The following CDH2 variants were observed in gnomAD, a reference collection of about 807,000 sequenced individuals.
The protein encoded by CDH2 is cadherin-2.
Under a neutral mutation model 92.0 loss-of-function variants are expected in CDH2, and 17 were observed. The observed-to-expected ratio is 0.18, with a 90% CI of 0.13 to 0.28. The LOEUF (loss-of-function observed/expected upper bound fraction) is 0.28. Among genes scored for constraint, CDH2 ranks in the 10% least tolerant of loss-of-function variants. CDH2 has a pLI of 1.00. For missense variants in CDH2, 862 were observed against 1,133.1 expected (o/e 0.76, Z 3.44); for synonymous variants, 419 against 415.9 (o/e 1.01, Z -0.09).
Position 27,990,077 on chromosome 18 carries a change from C to T in CDH2, c.1598+20G>A. ...AGAACATAAGTAAGCTACAAAAACA[C>T]TACAAACAGCATTTCATACCTAATA... On this transcript the variant is annotated intron_variant, in intron 10 of 15. Transcript: ENST00000269141. The T allele has an allele frequency of 6.2e-7, 1 of 1,609,448 alleles. No individual in the cohort carries two copies. Among genetic ancestry groups the T allele is most frequent in the South Asian group, 1.1e-5 (1 of 90,934 alleles).
At chr18:28,159,563 A>C (rs2016273629) in intron 1 of CDH2, among the ~76,000 whole-genome samples, 1 of 152,190 alleles carries the variant, frequency 6.6e-6, no homozygotes, top group African/African-American at 2.4e-5. Context: ...AGAAATAAAA[A>C]AGGAGTCCAA....
At chr18:28,140,339 C>A (rs528078971) in intron 2 of CDH2, among the ~76,000 whole-genome samples, 1 of 151,966 alleles carries the variant, frequency 6.6e-6, no homozygotes, top group African/African-American at 2.4e-5. Context: ...AACATTTGTG[C>A]ATCAAAGGAA....
intron 2 of CDH2, among the ~76,000 whole-genome samples, chr18:28,024,458 A>T (rs1472990936): frequency 1.3e-5 from 2 of 149,838 alleles, no homozygotes; most frequent in African/African-American, 2.4e-5. Context: ...AATAATATAA[A>T]GTAAGTATAT....
chr18:28,095,635 C>T (rs1051022239), intron 2 of CDH2, among the ~76,000 whole-genome samples: 1 of 151,624 alleles, frequency 6.6e-6, no homozygotes, highest in African/African-American at 2.4e-5. Flanking sequence ...CTTGGCAACA[C>T]GGTAAAACCC....
chr18:27,945,769 G>A (rs1009014532), intron 6 of CDH2, among the ~76,000 whole-genome samples: 1 of 152,092 alleles, frequency 6.6e-6, no homozygotes, highest in Non-Finnish European at 1.5e-5. Context: ...TGGCTTAAAA[G>A]GAGGTAAACT....
At chr18:27,959,221 A>T (rs2143873896) in intron 15 of CDH2, among the ~76,000 whole-genome samples, 1 of 152,350 alleles carries the variant, frequency 6.6e-6, no homozygotes, top group Non-Finnish European at 1.5e-5. Context: ...TGAAACTCTC[A>T]GTTGAAATTC....
intron 7 of CDH2, among the ~76,000 whole-genome samples, chr18:27,999,473 CAG>C (rs1290916063): frequency 6.6e-6 from 1 of 151,984 alleles, no homozygotes; most frequent in Non-Finnish European, 1.5e-5. Flanking sequence ...AAGGCACAAA[CAG>C]AAAGATTATT....
At chr18:28,068,379 AG>A in intron 2 of CDH2, among the ~76,000 whole-genome samples, 1 of 152,314 alleles carries the variant, frequency 6.6e-6, no homozygotes, top group East Asian at 1.9e-4. Flanking sequence ...TCTAAATCTA[AG>A]AACTTGTCAG....
intron 2 of CDH2, among the ~76,000 whole-genome samples, chr18:28,024,786 C>A (rs948338835): frequency 6.6e-6 from 1 of 151,362 alleles, no homozygotes; most frequent in Non-Finnish European, 1.5e-5. Flanking sequence ...CTAAAACACA[C>A]AAAATTAATT....
At chr18:28,086,893 G>A (rs2014941306) in intron 2 of CDH2, among the ~76,000 whole-genome samples, 1 of 152,068 alleles carries the variant, frequency 6.6e-6, no homozygotes, top group East Asian at 1.9e-4. Context: ...CAGAGAGATT[G>A]GGCTTTTTAA....
At chr18:28,020,800 A>T (rs1183550619) in intron 2 of CDH2, among the ~76,000 whole-genome samples, 1 of 151,972 alleles carries the variant, frequency 6.6e-6, no homozygotes, top group Admixed American at 6.6e-5. Flanking sequence ...CCGTATTGCA[A>T]ACTAGAAACT....
At chr18:28,109,434 C>A (rs1322614584) in intron 2 of CDH2, among the ~76,000 whole-genome samples, 1 of 152,124 alleles carries the variant, frequency 6.6e-6, no homozygotes, top group East Asian at 1.9e-4. Context: ...TTACACAGTT[C>A]ATGCGGTAGT....
chr18:28,147,552 C>A (rs1228041177), intron 2 of CDH2, 121 bp downstream of exon 2: 2 of 572,402 alleles, frequency 3.5e-6, no homozygotes, highest in South Asian at 2.6e-5. Flanking sequence ...ACAGTCTCAT[C>A]ATAGTGATTG....
intron 2 of CDH2, among the ~76,000 whole-genome samples, chr18:28,111,096 G>A (rs931640869): frequency 3.9e-5 from 6 of 152,082 alleles, no homozygotes; most frequent in Non-Finnish European, 7.4e-5. Flanking sequence ...CTCTCCTATC[G>A]ACTCCCAAGC....
intron 2 of CDH2, among the ~76,000 whole-genome samples, chr18:28,066,267 C>G (rs2014504863): frequency 6.6e-6 from 1 of 151,968 alleles, no homozygotes; most frequent in Admixed American, 6.6e-5. Context: ...ATAATTGTAC[C>G]TTCAAAATTA....
At chr18:28,176,842 C>T (rs2016551786) in intron 1 of CDH2, 121 bp downstream of exon 1, 1 of 369,946 alleles carries the variant, frequency 2.7e-6, no homozygotes, top group Non-Finnish European at 3.7e-6. Flanking sequence ...CGGCGCGGCG[C>T]GGCGTGGCAC....
intron 2 of CDH2, among the ~76,000 whole-genome samples, chr18:28,057,511 T>C (rs1202044271): frequency 1.3e-5 from 2 of 151,884 alleles, no homozygotes. Flanking sequence ...ACTAAAGCAA[T>C]ACAAAAATCA....
At chr18:28,102,835 A>G (rs2015248858) in intron 2 of CDH2, among the ~76,000 whole-genome samples, 1 of 151,942 alleles carries the variant, frequency 6.6e-6, no homozygotes, top group Admixed American at 6.6e-5. Flanking sequence ...TAAAGCATAA[A>G]AATAGGCTAC....
chr18:28,021,637 C>T (rs139755809), intron 2 of CDH2, among the ~76,000 whole-genome samples: 31 of 151,828 alleles, frequency 2.0e-4, no homozygotes, highest in African/African-American at 7.0e-4. Flanking sequence ...GAAGGTAATA[C>T]CTCAAAATGA....
Sources: gnomAD v4.1 joint callset for allele counts (sites outside exome capture counted in the v4.1 genomes callset) on GRCh38, gnomAD v4.1.1 for gene constraint, MANE v1.5 for transcripts, NCBI Gene and HGNC (gene_info 2026-07-23, HGNC 2026-07-21) for gene names.